The following LAPTM4A variants were observed in gnomAD, a reference collection of about 807,000 sequenced individuals.
LAPTM4A encodes lysosomal protein transmembrane 4 alpha, also known as lysosomal-associated transmembrane protein 4A.
LAPTM4A carries 19 observed loss-of-function variants against 29.9 expected under a neutral mutation model. The observed-to-expected ratio is 0.64, with a 90% CI of 0.44 to 0.93. LAPTM4A has a LOEUF of 0.93. LAPTM4A is among the 40% of genes least tolerant of loss of function. The pLI, the probability that LAPTM4A is intolerant of heterozygous loss-of-function variation, is 0.00. For missense variants in LAPTM4A, 293 were observed against 288.5 expected, an observed-to-expected ratio of 1.02 and a Z score of -0.11; for synonymous variants, 105 against 102.1, an observed-to-expected ratio of 1.03 and a Z score of -0.17.
At chr2:20,043,185 A>C (rs1572399211) in intron 1 of LAPTM4A, among the ~76,000 whole-genome samples, 3 of 117,754 alleles carry the variant, frequency 2.5e-5, no homozygotes, top group Non-Finnish European at 3.4e-5. Flanking sequence ...CAATTCTCAC[A>C]CCTCAGCCTC....
chr2:20,036,143 T>C (rs1423761538), intron 4 of LAPTM4A, among the ~76,000 whole-genome samples: 1 of 152,126 alleles, frequency 6.6e-6, no homozygotes, highest in Non-Finnish European at 1.5e-5. Context: ...GGAGATGACA[T>C]GAGCAGAGAG....
At chr2:20,038,963 C>A (rs561232135) in intron 2 of LAPTM4A, among the ~76,000 whole-genome samples, 2 of 151,900 alleles carry the variant, frequency 1.3e-5, no homozygotes, top group Non-Finnish European at 2.9e-5. Flanking sequence ...GTCACCCAGG[C>A]TGGAGTGCAG....
At chr2:20,048,277 G>C (rs755114371) in intron 1 of LAPTM4A, among the ~76,000 whole-genome samples, 1 of 152,068 alleles carries the variant, frequency 6.6e-6, no homozygotes, top group Middle Eastern at 3.2e-3. Flanking sequence ...AAATCAACTG[G>C]CTTCAAATTC....
intron 1 of LAPTM4A, among the ~76,000 whole-genome samples, chr2:20,047,086 G>A (rs938136316): frequency 1.3e-5 from 2 of 151,920 alleles, no homozygotes; most frequent in Non-Finnish European, 2.9e-5. Flanking sequence ...AGATCCCCCT[G>A]GCTAGGAAGT....
In LAPTM4A at chr2:20,033,245, A is replaced by AT. The variant is rs774543059; in HGVS notation, c.661dup (p.Met221AsnfsTer3). ...AGGAGGTGGTGGTTCTTTTTCAGGC[A>AT]TTTTCACGGCCATTTCATAGGTTGG... is the stretch of plus-strand genomic sequence containing the variant. On this transcript the variant is annotated frameshift_variant, in exon 7 of 7. Coordinates refer to ENST00000175091, the MANE Select transcript of LAPTM4A (RefSeq NM_014713.5). LOFTEE classifies it high-confidence loss of function. 4 of 1,614,126 alleles carry AT rather than the reference A, an allele frequency of 2.5e-6. No homozygotes were observed. The highest frequency in any genetic ancestry group is 4.5e-5 in the East Asian group (2 of 44,870).
At chr2:20,040,781 CAAT>C in intron 2 of LAPTM4A, 107 bp downstream of exon 2, 15 of 1,043,692 alleles carry the variant, frequency 1.4e-5, no homozygotes, top group South Asian at 4.4e-5. Context: ...GTTCACACAA[CAAT>C]ATCACCCAGT....
chr2:20,036,708 C>A (rs554402226), intron 4 of LAPTM4A, among the ~76,000 whole-genome samples: 1 of 152,032 alleles, frequency 6.6e-6, no homozygotes, highest in South Asian at 2.1e-4. Context: ...TCCTTCTGAC[C>A]ACCTCCACGA....
chr2:20,041,131 T>C lies in LAPTM4A; in HGVS notation c.112-120A>G, dbSNP rs144444551. Reference sequence around the variant, plus strand: ...TACTTGAAGTAACAAAGATATAAAATAGTGGGAGACTACCTGTGAGATAAA... The same window carrying C: ...TACTTGAAGTAACAAAGATATAAAACAGTGGGAGACTACCTGTGAGATAAA... On this transcript the variant is annotated intron_variant, in intron 1 of 6. Coordinates refer to ENST00000175091, the MANE Select transcript of LAPTM4A (RefSeq NM_014713.5). 1.2e-4 allele frequency: 104 copies of C among 858,748 alleles called. No homozygotes were observed. The African/African-American group carries it at 1.7e-3, about 14-fold the overall frequency. 53.2% of individuals were successfully genotyped at this position (858,748 alleles called of 1,614,324 possible).
chr2:20,044,526 G>A (rs575937899), intron 1 of LAPTM4A, among the ~76,000 whole-genome samples: 1 of 152,314 alleles, frequency 6.6e-6, no homozygotes, highest in South Asian at 2.1e-4. Context: ...CTACTTGGGA[G>A]GCTGAGGTGG....
chr2:20,033,967 T>C (rs1467279839), intron 6 of LAPTM4A, among the ~76,000 whole-genome samples: 1 of 152,188 alleles, frequency 6.6e-6, no homozygotes, highest in Non-Finnish European at 1.5e-5. Context: ...ATGGATGTTT[T>C]CTGAAAACAA....
chr2:20,047,161 A>G lies in LAPTM4A; in HGVS notation c.111+4249T>C, dbSNP rs1324954290. 9.7e-4 allele frequency among the ~76,000 whole-genome samples: 138 copies of G among 141,800 alleles called. No homozygotes were observed. The Middle Eastern group carries it at 0.014, about 15-fold the overall frequency. 93.0% of individuals were successfully genotyped at this position (141,800 alleles called of 152,430 possible). On this transcript the variant is annotated intron_variant, in intron 1 of 6. Transcript: ENST00000175091. Reference sequence around the variant, plus strand: ...TCCCAGCACTTTGGGAGGCCAAGGCAGGCAGATCATGAGGTCAGGAGATCG... The same window carrying G: ...TCCCAGCACTTTGGGAGGCCAAGGCGGGCAGATCATGAGGTCAGGAGATCG...
chr2:20,035,526 G>T (rs1336082900), intron 4 of LAPTM4A, among the ~76,000 whole-genome samples: 1 of 152,124 alleles, frequency 6.6e-6, no homozygotes, highest in Non-Finnish European at 1.5e-5. Flanking sequence ...CATCAGACAG[G>T]GGCAAAAATA....
At chr2:20,037,279 T>TG (rs749427896) in intron 4 of LAPTM4A, 37 bp downstream of exon 4, 1 of 1,504,596 alleles carries the variant, frequency 6.6e-7, no homozygotes, top group South Asian at 1.3e-5. Flanking sequence ...TTACTCAAAA[T>TG]GAAAAAAAAA....
intron 1 of LAPTM4A, among the ~76,000 whole-genome samples, chr2:20,048,920 C>T (rs1367160638): frequency 2.0e-5 from 3 of 152,144 alleles, no homozygotes; most frequent in African/African-American, 7.2e-5. Flanking sequence ...ACATGTCTCC[C>T]CAAGTTGGTA....
chr2:20,035,418 A>G (rs958978063), intron 4 of LAPTM4A, among the ~76,000 whole-genome samples: 1 of 152,198 alleles, frequency 6.6e-6, no homozygotes, highest in African/African-American at 2.4e-5. Context: ...AACTCAGGAG[A>G]TGCTCAGTTC....
At chr2:20,040,743 C>T (rs1673776328) in intron 2 of LAPTM4A, 148 bp downstream of exon 2, 2 of 737,056 alleles carry the variant, frequency 2.7e-6, no homozygotes, top group Non-Finnish European at 4.4e-6. Context: ...GCTACGCTAT[C>T]TAGGTTTGTG....
Position 20,037,600 on chromosome 2 carries a change from G to C in LAPTM4A, c.247C>G (p.Leu83Val). ...AACATAAGAACAGAGACGGCAAAAA[G>C]AACACAGGCATTATCTAAGAAAACA... The part of the protein sequence containing the change: ...SERMADNACV[L>V]FAVSVLMFII... Residue 83 changes from leucine (L) to valine (V), a missense_variant, in exon 3 of 7, where the codon CTT becomes GTT. Leu to Val is a conservative substitution (Grantham distance 32). Transcript: ENST00000175091. The C allele has an allele frequency of 1.2e-6, 2 of 1,605,706 alleles. No homozygotes were observed. The highest frequency in any genetic ancestry group is 4.5e-5 in the East Asian group (2 of 44,756).
rs374186388 is a variant in LAPTM4A at position 20,037,592 on chromosome 2, G to A, written c.255C>T (p.Ala85=). The change falls in exon 3 of 7, where the codon GCC becomes GCT. Residue 85 remains alanine, a synonymous_variant. Transcript: ENST00000175091. ...TGATTATAAACATAAGAACAGAGAC[G>A]GCAAAAAGAACACAGGCATTATCTA... The part of the protein sequence containing the change: ...RMADNACVLF[A]VSVLMFIISS... The A allele has an allele frequency of 3.6e-5, 58 of 1,603,992 alleles. No individual in the cohort carries two copies. Among genetic ancestry groups the A allele is most frequent in the South Asian group, 9.0e-5 (8 of 88,950 alleles).
intron 1 of LAPTM4A, among the ~76,000 whole-genome samples, chr2:20,047,396 A>G (rs1673950397): frequency 7.0e-6 from 1 of 143,266 alleles, no homozygotes; most frequent in South Asian, 2.2e-4. Context: ...CAAAAAAGAA[A>G]AAAAAAAAAA....
Sources: gnomAD v4.1 joint callset for allele counts (sites outside exome capture counted in the v4.1 genomes callset) on GRCh38, gnomAD v4.1.1 for gene constraint, MANE v1.5 for transcripts, NCBI Gene and HGNC (gene_info 2026-07-23, HGNC 2026-07-21) for gene names.